The following MECOM variants were observed in gnomAD, a reference collection of about 807,000 sequenced individuals.
MECOM encodes the protein MDS1 and EVI1 complex locus, also known as histone-lysine N-methyltransferase MECOM.
In MECOM, 13 loss-of-function variants were observed where a neutral mutation model predicts 116.3. The observed-to-expected ratio is 0.11, with a 90% CI of 0.07 to 0.18. MECOM has a LOEUF of 0.18. Among genes scored for constraint, MECOM ranks in the 10% least tolerant of loss-of-function variants. MECOM has a pLI of 1.00. For synonymous variants in MECOM, 528 were observed against 535.2 expected (o/e 0.99, Z 0.19); for missense variants, 1,299 against 1,509.0 (o/e 0.86, Z 2.31).
At chr3:169,485,923 A>AT (rs1272580479) in intron 1 of MECOM, among the ~76,000 whole-genome samples, 3,204 of 83,498 alleles carry the variant, frequency 0.038, 97 homozygotes, top group East Asian at 0.12. Flanking sequence ...ATGTATATAT[A>AT]GTATATATAG....
intron 2 of MECOM, among the ~76,000 whole-genome samples, chr3:169,209,775 T>A (rs1456051796): frequency 6.6e-6 from 1 of 152,086 alleles, no homozygotes; most frequent in African/African-American, 2.4e-5. Flanking sequence ...ATTAGTGTAA[T>A]CATCGTGGAA....
At chr3:169,608,594 G>T (rs922213377) in intron 1 of MECOM, among the ~76,000 whole-genome samples, 3 of 152,120 alleles carry the variant, frequency 2.0e-5, no homozygotes, top group African/African-American at 7.2e-5. Flanking sequence ...CCTGGCAAAA[G>T]GACCTTCCCT....
At chr3:169,553,289 G>A (rs899465609) in intron 1 of MECOM, among the ~76,000 whole-genome samples, 5 of 152,184 alleles carry the variant, frequency 3.3e-5, no homozygotes, top group Middle Eastern at 3.4e-3. Context: ...CATTTTAGAA[G>A]GGGATAATAA....
intron 2 of MECOM, among the ~76,000 whole-genome samples, chr3:169,277,496 A>G (rs948406684): frequency 1.3e-5 from 2 of 152,186 alleles, no homozygotes; most frequent in Non-Finnish European, 2.9e-5. Context: ...GAGGACTCTG[A>G]AAAGGGAACC....
intron 1 of MECOM, among the ~76,000 whole-genome samples, chr3:169,439,175 A>G (rs1743200657): frequency 6.8e-6 from 1 of 146,722 alleles, no homozygotes. Context: ...TAGTATCCAG[A>G]ATATATTAGT....
intron 1 of MECOM, among the ~76,000 whole-genome samples, chr3:169,633,920 A>G (rs1210807305): frequency 1.6e-5 from 2 of 127,072 alleles, no homozygotes; most frequent in Non-Finnish European, 3.5e-5. Context: ...AAAAAAAAAC[A>G]AAAAACAAAC....
At chr3:169,627,458 CAAAGGAAA>C (rs1378485787) in intron 1 of MECOM, among the ~76,000 whole-genome samples, 8 of 152,158 alleles carry the variant, frequency 5.3e-5, no homozygotes, top group African/African-American at 1.9e-4. Flanking sequence ...ATCAGCCAAG[CAAAGGAAA>C]AATACTTAAG....
chr3:169,565,482 C>G (rs558874396), intron 1 of MECOM, among the ~76,000 whole-genome samples: 1 of 152,316 alleles, frequency 6.6e-6, no homozygotes, highest in African/African-American at 2.4e-5. Context: ...TTTGCTCTCT[C>G]AAGGTTGCTG....
chr3:169,319,422 CA>C (rs1448124868), intron 2 of MECOM, among the ~76,000 whole-genome samples: 1 of 151,320 alleles, frequency 6.6e-6, no homozygotes, highest in Non-Finnish European at 1.5e-5. Context: ...TGGGGCCTGT[CA>C]GGGGGTGGGG....
At chr3:169,234,026 T>G (rs1753728200) in intron 2 of MECOM, among the ~76,000 whole-genome samples, 2 of 152,172 alleles carry the variant, frequency 1.3e-5, no homozygotes, top group African/African-American at 4.8e-5. Context: ...CATTTTATAG[T>G]GACAGCTGTA....
At chr3:169,106,378 G>A (rs921559270) in intron 10 of MECOM, among the ~76,000 whole-genome samples, 4 of 152,108 alleles carry the variant, frequency 2.6e-5, no homozygotes, top group South Asian at 2.1e-4. Context: ...CATACAACGT[G>A]AAATAATCAT....
intron 2 of MECOM, among the ~76,000 whole-genome samples, chr3:169,166,551 T>C (rs1034083691): frequency 6.6e-6 from 1 of 152,166 alleles, no homozygotes; most frequent in African/African-American, 2.4e-5. Flanking sequence ...AGGGAGTGAA[T>C]AGCAATCATG....
At chr3:169,658,624 G>GC (rs1775828982) in intron 1 of MECOM, among the ~76,000 whole-genome samples, 1 of 152,082 alleles carries the variant, frequency 6.6e-6, no homozygotes. Context: ...GGTGTAGGGG[G>GC]CCCCCTGAGT....
At chr3:169,456,789 G>T (rs994698054) in intron 1 of MECOM, among the ~76,000 whole-genome samples, 2 of 152,098 alleles carry the variant, frequency 1.3e-5, no homozygotes, top group Admixed American at 6.6e-5. Context: ...ATAATACTAC[G>T]CACTGAAAGT....
At chr3:169,171,845 T>G (rs1744457491) in intron 2 of MECOM, among the ~76,000 whole-genome samples, 2 of 152,012 alleles carry the variant, frequency 1.3e-5, no homozygotes, top group South Asian at 4.2e-4. Context: ...TGGCCTTACT[T>G]TTCTCAAGGG....
At chr3:169,317,605 T>C (rs1025372233) in intron 2 of MECOM, among the ~76,000 whole-genome samples, 1 of 152,184 alleles carries the variant, frequency 6.6e-6, no homozygotes, top group African/African-American at 2.4e-5. Context: ...ATCCAGAAAC[T>C]CACTACTTAC....
At chr3:169,463,484 C>A (rs1278903486) in intron 1 of MECOM, among the ~76,000 whole-genome samples, 1 of 152,100 alleles carries the variant, frequency 6.6e-6, no homozygotes, top group Non-Finnish European at 1.5e-5. Context: ...GTCATCTCTA[C>A]TTAAAGGATA....
chr3:169,165,357 A>G (rs1743422087), intron 2 of MECOM, among the ~76,000 whole-genome samples: 1 of 152,164 alleles, frequency 6.6e-6, no homozygotes, highest in Admixed American at 6.6e-5. Context: ...ATAACCAAAC[A>G]TTGCAATTGT....
chr3:169,137,915 T>C (rs946364343), intron 3 of MECOM, among the ~76,000 whole-genome samples: 13 of 152,110 alleles, frequency 8.5e-5, no homozygotes, highest in African/African-American at 2.7e-4. Flanking sequence ...TCTGAGGGTC[T>C]ATCTACAGAC....
Sources: allele counts gnomAD v4.1 joint callset (sites outside exome capture counted in the v4.1 genomes callset), GRCh38; gene constraint gnomAD v4.1.1; transcripts MANE v1.5; gene names NCBI Gene and HGNC (gene_info 2026-07-23, HGNC 2026-07-21).